Variants in PPARGC1B observed in about 807,000 individuals in gnomAD.
The protein encoded by PPARGC1B is peroxisome proliferator-activated receptor gamma coactivator 1-beta.
In PPARGC1B, 34 loss-of-function variants were observed where a neutral mutation model predicts 101.6. That is an observed-to-expected ratio of 0.33 (90% CI 0.25 to 0.45). The LOEUF (loss-of-function observed/expected upper bound fraction) is 0.45, where lower values mean the gene tolerates loss of function less well. Among genes scored for constraint, PPARGC1B ranks in the 20% least tolerant of loss-of-function variants. PPARGC1B has a pLI of 1.00. For missense variants in PPARGC1B, 1,234 were observed against 1,317.6 expected, an observed-to-expected ratio of 0.94 and a Z score of 0.98; for synonymous variants, 548 against 539.3, an observed-to-expected ratio of 1.02 and a Z score of -0.22.
chr5:149,741,029 G>A (rs564223721), intron 1 of PPARGC1B, among the ~76,000 whole-genome samples: 14 of 152,214 alleles, frequency 9.2e-5, no homozygotes, highest in Admixed American at 2.6e-4. Flanking sequence ...CAGGGCCCTC[G>A]GCTGCTGTCT....
chr5:149,763,147 TCCC>T (rs2113159773), intron 1 of PPARGC1B, among the ~76,000 whole-genome samples: 1 of 129,462 alleles, frequency 7.7e-6, no homozygotes, highest in East Asian at 2.3e-4. Context: ...CCCTGCAACT[TCCC>T]TCCCCACTCT....
chr5:149,780,035 CT>C (rs1442459489), intron 1 of PPARGC1B, among the ~76,000 whole-genome samples: 2 of 152,184 alleles, frequency 1.3e-5, no homozygotes, highest in Non-Finnish European at 2.9e-5. Flanking sequence ...GAAAGGAGGT[CT>C]GAGTGAAAGG....
At position 149,836,394 on chromosome 5, in the gene PPARGC1B, AC is replaced by A; in HGVS notation, c.1943del (p.Pro648GlnfsTer62). On this transcript the variant is annotated frameshift_variant, in exon 8 of 12. Transcript: ENST00000309241. LOFTEE classifies it high-confidence loss of function. Reference protein sequence around the residue: ...PSPEGLSLKATPGAAHKLPKK... With the variant: ...PSPEGLSLKAXPGAAHKLPKK... ...CCCTGAGGGCCTCTCACTCAAGGCCACCCCAGGGGCTGCCCACAAGCTGCCA... is the reference window on the plus strand; with the variant it reads ...CCCTGAGGGCCTCTCACTCAAGGCCACCCAGGGGCTGCCCACAAGCTGCCA... The A allele has an allele frequency of 6.2e-7, 1 of 1,613,972 alleles. No individual in the cohort carries two copies. The highest frequency in any genetic ancestry group is 8.5e-7 in the Non-Finnish European group (1 of 1,179,986).
intron 1 of PPARGC1B, among the ~76,000 whole-genome samples, chr5:149,745,790 A>G (rs941841139): frequency 6.6e-6 from 1 of 152,146 alleles, no homozygotes; most frequent in Non-Finnish European, 1.5e-5. Flanking sequence ...TCAGTTTTCA[A>G]ATATTCGTCT....
At chr5:149,840,493 C>T (rs930849914) in intron 9 of PPARGC1B, among the ~76,000 whole-genome samples, 4 of 152,092 alleles carry the variant, frequency 2.6e-5, no homozygotes, top group Non-Finnish European at 4.4e-5. Flanking sequence ...TCTATGTGAC[C>T]GTGGGCAGGT....
chr5:149,782,551 G>A (rs1165725925), intron 1 of PPARGC1B, among the ~76,000 whole-genome samples: 8 of 152,226 alleles, frequency 5.3e-5, no homozygotes, highest in African/African-American at 1.7e-4. Context: ...CTAGAGAATG[G>A]AGTATTTTCC....
chr5:149,827,202 T>C (rs1240211668), intron 3 of PPARGC1B, among the ~76,000 whole-genome samples: 2 of 152,230 alleles, frequency 1.3e-5, no homozygotes, highest in African/African-American at 4.8e-5. Context: ...TGCACACACA[T>C]GGTAAAAATC....
rs369350284 is a variant in PPARGC1B, at chr5:149,799,690, G to GTTTTTTTTTT, written c.79-20741_79-20740insTTTTTTTTTT. On this transcript the variant is annotated intron_variant, in intron 1 of 11. Transcript: ENST00000309241. ...TTTTTTGTTTGTTTGTTTGCTTGTT[G>GTTTTTTTTTT]TTGTTTTTTTTTTTTTTTTTTTTTG... Among the ~76,000 whole-genome samples the GTTTTTTTTTT allele has an allele frequency of 8.3e-4, 54 of 65,050 alleles. 2 individuals are homozygous for GTTTTTTTTTT. The highest frequency in any genetic ancestry group is 9.6e-4 in the African/African-American group (18 of 18,720). The allele number at this position is 65,050 out of a possible 152,430, so 42.7% of individuals were successfully genotyped here. A position where few individuals can be genotyped will look rare whatever the true frequency, so the allele number is the denominator to read the frequency against.
At chr5:149,755,046 C>CATATATATATATATAT (rs1385735590) in intron 1 of PPARGC1B, among the ~76,000 whole-genome samples, 66 of 105,564 alleles carry the variant, frequency 6.3e-4, no homozygotes, top group Middle Eastern at 5.1e-3. Context: ...TATACATATA[C>CATATATATATATATAT]ATATACATAT....
rs1759901519 is a variant in PPARGC1B at position 149,854,787 on chromosome 5, G to T, written c.*7229G>T. 1 of 152,082 alleles carries T rather than the reference G, an allele frequency of 6.6e-6. No homozygotes were observed. The highest frequency in any genetic ancestry group is 1.5e-5 in the Non-Finnish European group (1 of 68,010). 9.4% of individuals were successfully genotyped at this position (152,082 alleles called of 1,614,324 possible). ...CATTGTCAGATTCTATAGTTTCCTA[G>T]ATAATTTAACCAAATTGCTCTATGT... On this transcript the variant is annotated 3_prime_UTR_variant, in exon 12 of 12. Coordinates refer to ENST00000309241, the MANE Select transcript of PPARGC1B (RefSeq NM_133263.4).
intron 1 of PPARGC1B, among the ~76,000 whole-genome samples, chr5:149,778,218 G>A (rs1471851792): frequency 6.6e-6 from 1 of 151,892 alleles, no homozygotes; most frequent in Non-Finnish European, 1.5e-5. Context: ...CTCAGCAGGT[G>A]CTTTGTCTTG....
chr5:149,769,538 G>A (rs1051060468), intron 1 of PPARGC1B, among the ~76,000 whole-genome samples: 1 of 152,102 alleles, frequency 6.6e-6, no homozygotes, highest in African/African-American at 2.4e-5. Flanking sequence ...CCTACTCCCC[G>A]GCCATGCCCT....
At chr5:149,762,176 A>T (rs1157566287) in intron 1 of PPARGC1B, among the ~76,000 whole-genome samples, 5 of 134,604 alleles carry the variant, frequency 3.7e-5, no homozygotes, top group African/African-American at 8.8e-5. Flanking sequence ...TTTTTTTGAG[A>T]TGGAGTCTGT....
At chr5:149,821,259 G>A (rs1170411052) in intron 2 of PPARGC1B, among the ~76,000 whole-genome samples, 1 of 152,146 alleles carries the variant, frequency 6.6e-6, no homozygotes, top group African/African-American at 2.4e-5. Flanking sequence ...TTAATAAGAG[G>A]GAGTGCCAAG....
chr5:149,774,877 A>G (rs1019239699), intron 1 of PPARGC1B, among the ~76,000 whole-genome samples: 1 of 151,972 alleles, frequency 6.6e-6, no homozygotes, highest in Non-Finnish European at 1.5e-5. Flanking sequence ...AGTTGAGAGC[A>G]TTTTGTCTAG....
intron 1 of PPARGC1B, among the ~76,000 whole-genome samples, chr5:149,773,650 G>A (rs776603904): frequency 3.9e-5 from 6 of 152,256 alleles, no homozygotes; most frequent in Non-Finnish European, 5.9e-5. Flanking sequence ...GTTACGCACT[G>A]AGAATGTGAG....
chr5:149,752,322 AACTG>A (rs1415607885), intron 1 of PPARGC1B, among the ~76,000 whole-genome samples: 2 of 152,314 alleles, frequency 1.3e-5, no homozygotes, highest in African/African-American at 4.8e-5. Flanking sequence ...TTGAAGTGTT[AACTG>A]ATCCACCTTG....
intron 1 of PPARGC1B, among the ~76,000 whole-genome samples, chr5:149,778,442 C>T (rs1482243592): frequency 5.3e-5 from 8 of 151,958 alleles, no homozygotes; most frequent in Admixed American, 1.3e-4. Context: ...AAGCGGGGCT[C>T]TTGGGCTCCC....
At chr5:149,826,014 G>T (rs1186307640) in intron 2 of PPARGC1B, among the ~76,000 whole-genome samples, 1 of 152,230 alleles carries the variant, frequency 6.6e-6, no homozygotes, top group African/African-American at 2.4e-5. Flanking sequence ...AATGTGTGCT[G>T]TGTGTTATCC....
Sources: allele counts gnomAD v4.1 joint callset (sites outside exome capture counted in the v4.1 genomes callset), GRCh38; gene constraint gnomAD v4.1.1; transcripts MANE v1.5; gene names NCBI Gene and HGNC (gene_info 2026-07-23, HGNC 2026-07-21).